Variants in MDGA2 observed in about 807,000 individuals in gnomAD.
MDGA2 encodes MAM domain-containing glycosylphosphatidylinositol anchor protein 2.
A neutral mutation model predicts 117.8 loss-of-function variants in MDGA2; 40 were observed. The observed-to-expected ratio is 0.34, with a 90% CI of 0.26 to 0.44. MDGA2 has a LOEUF of 0.44. MDGA2 is among the 20% of genes least tolerant of loss of function. The probability of loss-of-function intolerance (pLI) is 1.00; values close to 1 mark genes in which losing one functional copy is unlikely to be tolerated. For missense variants in MDGA2, 1,123 were observed against 1,250.6 expected, an observed-to-expected ratio of 0.90 and a Z score of 1.54; for synonymous variants, 452 against 439.0, an observed-to-expected ratio of 1.03 and a Z score of -0.37.
chr14:47,574,425 T>C (rs1031329204), intron 1 of MDGA2, among the ~76,000 whole-genome samples: 3 of 152,182 alleles, frequency 2.0e-5, no homozygotes, highest in African/African-American at 7.2e-5. Flanking sequence ...GCTTCCCTTA[T>C]ATTCAGCCAC....
chr14:47,147,153 G>A (rs1177946932), intron 3 of MDGA2, among the ~76,000 whole-genome samples: 1 of 151,292 alleles, frequency 6.6e-6, no homozygotes, highest in East Asian at 1.9e-4. Flanking sequence ...GTATGCCCAT[G>A]TGTAGATATA....
intron 16 of MDGA2, among the ~76,000 whole-genome samples, chr14:46,844,781 A>G (rs1385920786): frequency 6.6e-6 from 1 of 152,134 alleles, no homozygotes; most frequent in Non-Finnish European, 1.5e-5. Context: ...CCATGTTTCA[A>G]GTGAGAGACC....
intron 1 of MDGA2, among the ~76,000 whole-genome samples, chr14:47,388,234 G>A (rs532162286): frequency 1.3e-5 from 2 of 152,198 alleles, no homozygotes; most frequent in Admixed American, 1.3e-4. Context: ...AAGAAATAAC[G>A]GTATAAGTGA....
In MDGA2 at chr14:47,218,213, A is replaced by C; in HGVS notation, c.421-18T>G. On this transcript the variant is annotated intron_variant, in intron 2 of 16. Transcript: ENST00000399232. ...CACCTGATCTGAGCAAGCATCAACA[A>C]AGATTGTTACTTTAGGTTGGTTTTC... 1.3e-6 allele frequency: 2 copies of C among 1,507,670 alleles called. No homozygotes were observed. Among genetic ancestry groups the C allele is most frequent in the Non-Finnish European group, 1.8e-6 (2 of 1,123,302 alleles). The allele number at this position is 1,507,670 out of a possible 1,614,324, so 93.4% of individuals were successfully genotyped here. A position where few individuals can be genotyped will look rare whatever the true frequency, so the allele number is the denominator to read the frequency against.
At chr14:47,178,821 A>G (rs997992898) in intron 3 of MDGA2, among the ~76,000 whole-genome samples, 5 of 152,150 alleles carry the variant, frequency 3.3e-5, no homozygotes, top group Admixed American at 2.6e-4. Flanking sequence ...AGGAATGTAG[A>G]GAAGGATACT....
intron 3 of MDGA2, chr14:47,200,520 T>C (rs1885456355): frequency 1.6e-6 from 1 of 623,006 alleles, no homozygotes; most frequent in South Asian, 2.9e-5. Context: ...TCTTTTCTTT[T>C]TTCTTTTTCT....
chr14:47,000,093 A>G (rs902248180), intron 8 of MDGA2, among the ~76,000 whole-genome samples: 1 of 151,630 alleles, frequency 6.6e-6, no homozygotes, highest in Non-Finnish European at 1.5e-5. Flanking sequence ...TATATGTATA[A>G]AAATAAAAAT....
chr14:47,610,924 A>C (rs552939353), intron 1 of MDGA2, among the ~76,000 whole-genome samples: 1 of 152,304 alleles, frequency 6.6e-6, no homozygotes, highest in South Asian at 2.1e-4. Context: ...CAAAAAGGAC[A>C]AATCTGAGGG....
chr14:47,084,229 T>C (rs1323245150), intron 6 of MDGA2, among the ~76,000 whole-genome samples: 3 of 151,900 alleles, frequency 2.0e-5, no homozygotes, highest in South Asian at 2.1e-4. Flanking sequence ...AAAAGAGAAA[T>C]AAGTGACAGA....
intron 6 of MDGA2, among the ~76,000 whole-genome samples, chr14:47,091,760 A>G (rs1879670319): frequency 6.6e-6 from 1 of 152,032 alleles, no homozygotes; most frequent in Admixed American, 6.6e-5. Context: ...GAACTAATGT[A>G]TATCTGCCCA....
chr14:46,952,197 C>T (rs2066310), intron 9 of MDGA2, among the ~76,000 whole-genome samples: 8,981 of 151,262 alleles, frequency 0.059, 511 homozygotes, highest in Admixed American at 0.18. Context: ...CATTAATTGA[C>T]GGTGAAGCAA....
At chr14:47,420,561 A>C (rs749829796) in intron 1 of MDGA2, among the ~76,000 whole-genome samples, 8 of 152,152 alleles carry the variant, frequency 5.3e-5, no homozygotes, top group Admixed American at 1.3e-4. Context: ...TGGTGCTATA[A>C]AACACAAATT....
intron 8 of MDGA2, among the ~76,000 whole-genome samples, chr14:46,973,264 G>A (rs916429238): frequency 2.6e-5 from 4 of 152,056 alleles, no homozygotes; most frequent in Admixed American, 1.3e-4. Flanking sequence ...ATAGACCTTA[G>A]TATTTACTCA....
chr14:47,434,573 T>C (rs183711088), intron 1 of MDGA2, among the ~76,000 whole-genome samples: 4 of 152,284 alleles, frequency 2.6e-5, no homozygotes, highest in East Asian at 1.9e-4. Flanking sequence ...GTGTGGACTT[T>C]TGTATTTATT....
intron 8 of MDGA2, among the ~76,000 whole-genome samples, chr14:46,981,570 T>C (rs1402037445): frequency 1.3e-5 from 2 of 152,192 alleles, no homozygotes; most frequent in Admixed American, 6.6e-5. Context: ...TATGAACCTT[T>C]AAATAATACA....
intron 10 of MDGA2, among the ~76,000 whole-genome samples, chr14:46,911,965 C>T (rs974333552): frequency 4.6e-5 from 7 of 152,052 alleles, no homozygotes; most frequent in Non-Finnish European, 8.8e-5. Context: ...TTGCAGGGCA[C>T]ACTCAGACAC....
At chr14:47,200,531 TTTC>T in intron 3 of MDGA2, 2 of 611,748 alleles carry the variant, frequency 3.3e-6, no homozygotes, top group Non-Finnish European at 5.0e-6. Context: ...TTCTTTTTCT[TTTC>T]TTTTTTTTTT....
intron 3 of MDGA2, among the ~76,000 whole-genome samples, chr14:47,205,638 G>T (rs1020691849): frequency 1.3e-4 from 19 of 151,944 alleles, no homozygotes; most frequent in Middle Eastern, 3.5e-3. Flanking sequence ...GATGATTAAG[G>T]ATGTTTCATC....
At chr14:47,361,532 A>C (rs1891124990) in intron 1 of MDGA2, among the ~76,000 whole-genome samples, 1 of 152,014 alleles carries the variant, frequency 6.6e-6, no homozygotes, top group Admixed American at 6.6e-5. Flanking sequence ...GCTGTCTCTG[A>C]TTTCTGGTTG....
Sources: gnomAD v4.1 joint callset for allele counts (sites outside exome capture counted in the v4.1 genomes callset) on GRCh38, gnomAD v4.1.1 for gene constraint, MANE v1.5 for transcripts, NCBI Gene and HGNC (gene_info 2026-07-23, HGNC 2026-07-21) for gene names.